BTAF1: variants seen among roughly 807,000 people sequenced by gnomAD.
BTAF1 encodes the protein B-TFIID TATA-box binding protein associated factor 1.
A neutral mutation model predicts 227.1 loss-of-function variants in BTAF1; 38 were observed. The observed-to-expected ratio is 0.17, with a 90% CI of 0.13 to 0.22. BTAF1 has a LOEUF of 0.22. Among genes scored for constraint, BTAF1 ranks in the 10% least tolerant of loss-of-function variants. The probability of loss-of-function intolerance (pLI) is 1.00; values close to 1 mark genes in which losing one functional copy is unlikely to be tolerated. For missense variants in BTAF1, 1,598 were observed against 2,204.0 expected (o/e 0.73, Z 5.51); for synonymous variants, 742 against 751.9 (o/e 0.99, Z 0.21).
At chr10:91,964,010 C>T in intron 12 of BTAF1, 67 bp from the exon 13 acceptor site, 4 of 1,565,712 alleles carry the variant, frequency 2.6e-6, no homozygotes, top group Non-Finnish European at 3.5e-6. Flanking sequence ...CCCTGGGATA[C>T]CATTTGGCAG....
intron 18 of BTAF1, 46 bp downstream of exon 18, chr10:91,982,807 A>C (rs558742160): frequency 6.6e-7 from 1 of 1,516,332 alleles, no homozygotes; most frequent in Admixed American, 1.9e-5. Flanking sequence ...AAGTAAACCA[A>C]TTTCCATTAG....
chr10:91,989,464 C>T lies in BTAF1; in HGVS notation c.2738C>T (p.Pro913Leu). ...KLLQQCTTRT[P>L]CPNSKIIKNL... The stretch of plus-strand genomic sequence containing the variant: ...CTTCAGCAGTGCACAACAAGGACGC[C>T]CTGTCCCAATTCAAAAATTATTAAA... Residue 913 changes from proline (P) to leucine (L), a missense_variant, in exon 20 of 38, where the codon CCC (proline) becomes CTC (leucine). Coordinates refer to ENST00000265990, the MANE Select transcript of BTAF1 (RefSeq NM_003972.3). The T allele has an allele frequency of 1.2e-6, 2 of 1,614,052 alleles. No individual in the cohort carries two copies. The highest frequency in any genetic ancestry group is 1.7e-6 in the Non-Finnish European group (2 of 1,180,042).
rs34581576 is a variant in BTAF1 at position 91,993,796 on chromosome 10, T to C, written c.3148T>C (p.Trp1050Arg). The C allele has an allele frequency of 2.3e-4, 371 of 1,609,260 alleles. No homozygotes were observed. Among genetic ancestry groups the C allele is most frequent in the Non-Finnish European group, 3.0e-4 (352 of 1,177,240 alleles). Residue 1050 changes from tryptophan to arginine, a missense_variant, in exon 22 of 38, where the codon TGG becomes CGG. Physicochemically the swap from Trp to Arg is moderately radical, Grantham distance 101 (BLOSUM62 -3). This residue lies in a region of BTAF1 where 425 missense variants were observed against 491.2 expected (regional missense o/e 0.87). Transcript: ENST00000265990. ...AATGGCAGTGAAGTTGCCACATCTC[T>C]GGGATGCTATGGTTGGCCCATTGAG... ...GEMAVKLPHL[W>R]DAMVGPLRNT...
At chr10:92,020,504 A>T (rs1399810060) in intron 34 of BTAF1, among the ~76,000 whole-genome samples, 1 of 152,204 alleles carries the variant, frequency 6.6e-6, no homozygotes, top group Non-Finnish European at 1.5e-5. Context: ...CCTAAAGCTC[A>T]TTGAGAACAA....
At position 91,956,639 on chromosome 10, in the gene BTAF1, C is replaced by T; in HGVS notation, c.813C>T (p.Ser271=). Reference sequence around the variant, plus strand: ...TCTTGATTGATAATATTCCAGACAGCTCTTCCTTAATTGAAGAGGTACTCT... The same window carrying T: ...TCTTGATTGATAATATTCCAGACAGTTCTTCCTTAATTGAAGAGGTACTCT... ...SKVLIDNIPD[S]SSLIEETNEW... Residue 271 remains serine, a synonymous_variant, in exon 7 of 38, where the codon AGC becomes AGT. Transcript: ENST00000265990. 6 of 1,609,898 alleles carry T rather than the reference C, an allele frequency of 3.7e-6. No individual in the cohort carries two copies. The South Asian group carries it at 6.6e-5, about 18-fold the overall frequency.
At chr10:91,955,435 G>T (rs1051248565) in intron 6 of BTAF1, among the ~76,000 whole-genome samples, 4 of 152,062 alleles carry the variant, frequency 2.6e-5, no homozygotes, top group African/African-American at 9.7e-5. Context: ...TACAGTGTGT[G>T]TGTATATATG....
chr10:91,966,995 A>G (rs1443175972), intron 14 of BTAF1, among the ~76,000 whole-genome samples: 1 of 152,130 alleles, frequency 6.6e-6, no homozygotes, highest in Non-Finnish European at 1.5e-5. Context: ...GTCCTCAGTA[A>G]ATGTTTGTTG....
chr10:91,964,885 A>T (rs1431725709), intron 13 of BTAF1, among the ~76,000 whole-genome samples: 1 of 152,156 alleles, frequency 6.6e-6, no homozygotes, highest in Non-Finnish European at 1.5e-5. Flanking sequence ...GAGAAGAAAA[A>T]ATTATTATGC....
At chr10:91,999,078 A>AG (rs1849327871) in intron 25 of BTAF1, among the ~76,000 whole-genome samples, 2 of 151,918 alleles carry the variant, frequency 1.3e-5, no homozygotes, top group East Asian at 3.9e-4. Context: ...AAAAAAAAAA[A>AG]AATTAAGTTA....
chr10:92,020,249 T>C (rs1327019706), intron 34 of BTAF1, among the ~76,000 whole-genome samples: 1 of 152,224 alleles, frequency 6.6e-6, no homozygotes. Flanking sequence ...TTCATGTCGA[T>C]GTGGATTTCT....
intron 2 of BTAF1, among the ~76,000 whole-genome samples, chr10:91,939,660 A>G (rs1423804421): frequency 6.6e-6 from 1 of 151,414 alleles, no homozygotes; most frequent in East Asian, 1.9e-4. Flanking sequence ...CTGGTCTTGA[A>G]CTCCTGACCT....
intron 20 of BTAF1, among the ~76,000 whole-genome samples, chr10:91,990,956 T>G (rs1208108546): frequency 1.3e-5 from 2 of 148,638 alleles, no homozygotes; most frequent in Non-Finnish European, 3.0e-5. Flanking sequence ...AAAAAATATA[T>G]AAAAATTAGG....
rs1183948397 is a variant in BTAF1 at position 91,957,286 on chromosome 10, C to T, written c.893C>T (p.Ser298Phe). ...EELCNDLFNPSWEVRHGAGTG... is the reference protein window; with the variant it reads ...EELCNDLFNPFWEVRHGAGTG... ...CTTTGCAATGACCTTTTTAATCCCT[C>T]CTGGGAGGTAAGATTTCTTCATTAC... Residue 298 changes from serine to phenylalanine, a missense_variant, in exon 8 of 38, where the codon TCC becomes TTC. Ser to Phe is a radical substitution (Grantham distance 155). This residue lies in a region of BTAF1 where 298 missense variants were observed against 395.2 expected (regional missense o/e 0.75). Coordinates refer to ENST00000265990, the MANE Select transcript of BTAF1 (RefSeq NM_003972.3). 7 of 1,609,488 alleles carry T rather than the reference C, an allele frequency of 4.3e-6. No individual in the cohort carries two copies. Among genetic ancestry groups the T allele is most frequent in the Non-Finnish European group, 5.9e-6 (7 of 1,177,028 alleles).
chr10:91,981,272 A>T (rs1848042371), intron 15 of BTAF1, among the ~76,000 whole-genome samples: 1 of 152,178 alleles, frequency 6.6e-6, no homozygotes, highest in South Asian at 2.1e-4. Context: ...AGAGAATATT[A>T]GGAGCTATTT....
intron 19 of BTAF1, among the ~76,000 whole-genome samples, chr10:91,985,970 C>A (rs1311130448): frequency 6.7e-6 from 1 of 149,936 alleles, no homozygotes; most frequent in African/African-American, 2.4e-5. Flanking sequence ...TTGGTGAATT[C>A]TAATTTATCA....
intron 14 of BTAF1, among the ~76,000 whole-genome samples, chr10:91,978,006 A>T (rs1194916385): frequency 6.6e-6 from 1 of 152,194 alleles, no homozygotes; most frequent in African/African-American, 2.4e-5. Flanking sequence ...GCGAACCTGC[A>T]TTGACACATT....
At chr10:91,926,807 C>T (rs747748020) in intron 1 of BTAF1, among the ~76,000 whole-genome samples, 6 of 152,180 alleles carry the variant, frequency 3.9e-5, no homozygotes, top group South Asian at 2.1e-4. Flanking sequence ...ATCTGTTCTT[C>T]GCTTCAGTCA....
intron 25 of BTAF1, among the ~76,000 whole-genome samples, chr10:92,004,083 A>G (rs947954790): frequency 2.0e-5 from 3 of 150,024 alleles, no homozygotes; most frequent in African/African-American, 7.4e-5. Flanking sequence ...TTTACATCTT[A>G]TTTTCTTTCT....
chr10:92,008,309 A>C, intron 26 of BTAF1, 34 bp downstream of exon 26: 1 of 1,520,106 alleles, frequency 6.6e-7, no homozygotes. Context: ...TTTCCTTTCA[A>C]ATGAACCTTG....
Sources: allele counts gnomAD v4.1 joint callset (sites outside exome capture counted in the v4.1 genomes callset), GRCh38; gene constraint gnomAD v4.1.1; regional missense constraint gnomAD v4.1.1; transcripts MANE v1.5; gene names NCBI Gene and HGNC (gene_info 2026-07-23, HGNC 2026-07-21).